Variants in BCKDHB observed in about 807,000 individuals in gnomAD.
BCKDHB encodes branched chain keto acid dehydrogenase E1 subunit beta.
Under a neutral mutation model 48.5 loss-of-function variants are expected in BCKDHB, and 41 were observed. The observed-to-expected ratio is 0.85, with a 90% CI of 0.66 to 1.10. BCKDHB has a LOEUF of 1.10. BCKDHB is among the 50% of genes least tolerant of loss of function. The pLI, the probability that BCKDHB is intolerant of heterozygous loss-of-function variation, is 0.00. For missense variants in BCKDHB, 496 were observed against 494.2 expected, an observed-to-expected ratio of 1.00 and a Z score of -0.03; for synonymous variants, 201 against 174.8, an observed-to-expected ratio of 1.15 and a Z score of -1.18.
chr6:80,366,422 A>G, the BCKDHB span, among the ~76,000 whole-genome samples: 3 of 152,336 alleles, frequency 2.0e-5, no homozygotes, highest in South Asian at 2.1e-4. Flanking sequence ...GCTCATAGAC[A>G]TAGTCAGCAA....
At chr6:80,315,986 A>G (rs1322931030) in intron 9 of BCKDHB, among the ~76,000 whole-genome samples, 2 of 152,206 alleles carry the variant, frequency 1.3e-5, no homozygotes, top group Non-Finnish European at 2.9e-5. Flanking sequence ...GTAAAGAAAA[A>G]TGCTGTATCA....
At chr6:80,228,063 C>T (rs1046612979) in intron 8 of BCKDHB, among the ~76,000 whole-genome samples, 7 of 152,106 alleles carry the variant, frequency 4.6e-5, no homozygotes, top group East Asian at 1.9e-4. Flanking sequence ...GTATGTAAGA[C>T]GTTTCCCCCA....
the BCKDHB span, among the ~76,000 whole-genome samples, chr6:80,421,192 G>A: frequency 6.6e-6 from 1 of 152,062 alleles, no homozygotes; most frequent in African/African-American, 2.4e-5. Flanking sequence ...ATGGTTTAAA[G>A]GTGGCAGTTT....
chr6:80,416,372 G>A, the BCKDHB span, among the ~76,000 whole-genome samples: 3 of 151,296 alleles, frequency 2.0e-5, no homozygotes, highest in Non-Finnish European at 4.4e-5. Context: ...TGTGATGTTA[G>A]CTTGATAACT....
At chr6:80,288,007 T>C (rs1423201994) in intron 9 of BCKDHB, among the ~76,000 whole-genome samples, 3 of 152,184 alleles carry the variant, frequency 2.0e-5, no homozygotes, top group Non-Finnish European at 4.4e-5. Flanking sequence ...TCGAGAATCA[T>C]TGAATGACTT....
chr6:80,425,823 G>A, the BCKDHB span, among the ~76,000 whole-genome samples: 1 of 152,272 alleles, frequency 6.6e-6, no homozygotes, highest in South Asian at 2.1e-4. Context: ...AAAAATAAAT[G>A]AGACAAATGT....
rs1246365018 is a variant in BCKDHB, at chr6:80,345,547, A to T, written c.*1743A>T. 1 of 152,208 alleles carries T rather than the reference A, an allele frequency of 6.6e-6. No individual in the cohort carries two copies. The highest frequency in any genetic ancestry group is 2.4e-5 in the African/African-American group (1 of 41,460). The allele number at this position is 152,208 out of a possible 1,614,324, so 9.4% of individuals were successfully genotyped here. ...TCTGTTCTAGTCTAAGAATATTGTT[A>T]TAGATGGAAGTTAGGACCATTAGCC... On this transcript the variant is annotated 3_prime_UTR_variant, in exon 10 of 10. Coordinates refer to ENST00000320393, the MANE Select transcript of BCKDHB (RefSeq NM_183050.4).
At chr6:80,147,624 C>T (rs1163509960) in intron 3 of BCKDHB, among the ~76,000 whole-genome samples, 2 of 152,068 alleles carry the variant, frequency 1.3e-5, no homozygotes, top group African/African-American at 4.8e-5. Flanking sequence ...TGAGATGATG[C>T]CTGAGTCCAG....
chr6:80,407,350 G>A, the BCKDHB span, among the ~76,000 whole-genome samples: 11 of 152,122 alleles, frequency 7.2e-5, no homozygotes, highest in East Asian at 2.1e-3. Context: ...CTCTTTTTTG[G>A]TTCCATATGA....
intron 1 of BCKDHB, among the ~76,000 whole-genome samples, chr6:80,124,175 T>C (rs1380870783): frequency 6.6e-6 from 1 of 152,224 alleles, no homozygotes; most frequent in Non-Finnish European, 1.5e-5. Flanking sequence ...AGGAGCAGGT[T>C]GTTCAGTTTC....
At chr6:80,285,330 G>A (rs1766574879) in intron 9 of BCKDHB, among the ~76,000 whole-genome samples, 1 of 152,104 alleles carries the variant, frequency 6.6e-6, no homozygotes, top group Non-Finnish European at 1.5e-5. Flanking sequence ...TGATAAAATA[G>A]TCTTCTAATA....
chr6:80,404,535 A>G, the BCKDHB span, among the ~76,000 whole-genome samples: 22 of 150,940 alleles, frequency 1.5e-4, 1 homozygote, highest in African/African-American at 4.1e-4. Context: ...TTCATTGATC[A>G]TTTCTGTTTT....
chr6:80,408,524 C>T, the BCKDHB span, among the ~76,000 whole-genome samples: 1 of 152,012 alleles, frequency 6.6e-6, no homozygotes, highest in Non-Finnish European at 1.5e-5. Flanking sequence ...ATTATTGCCT[C>T]AATTTCAGAA....
chr6:80,114,184 A>AC (rs1367706323), intron 1 of BCKDHB, among the ~76,000 whole-genome samples: 1 of 151,432 alleles, frequency 6.6e-6, no homozygotes, highest in Non-Finnish European at 1.5e-5. Context: ...CTGCCTCCAG[A>AC]CCCTATTCTG....
chr6:80,354,284 A>G, the BCKDHB span, among the ~76,000 whole-genome samples: 5 of 152,052 alleles, frequency 3.3e-5, no homozygotes, highest in East Asian at 1.9e-4. Context: ...CTGGAGTGCA[A>G]TGGGGTGATC....
At chr6:80,413,780 G>T in the BCKDHB span, among the ~76,000 whole-genome samples, 1 of 152,124 alleles carries the variant, frequency 6.6e-6, no homozygotes, top group Non-Finnish European at 1.5e-5. Flanking sequence ...GTTTCTCTAT[G>T]GTAGAACAGT....
chr6:80,363,399 T>A, the BCKDHB span, among the ~76,000 whole-genome samples: 1 of 152,204 alleles, frequency 6.6e-6, no homozygotes. Context: ...GAAACTGTTT[T>A]TTCAAGAGCT....
intron 8 of BCKDHB, among the ~76,000 whole-genome samples, chr6:80,261,900 C>A (rs1204711598): frequency 6.6e-6 from 1 of 152,044 alleles, no homozygotes; most frequent in African/African-American, 2.4e-5. Flanking sequence ...CTTTACTAAT[C>A]TTTGAATAGG....
At chr6:80,151,419 C>CA (rs1771769281) in intron 3 of BCKDHB, among the ~76,000 whole-genome samples, 4 of 142,370 alleles carry the variant, frequency 2.8e-5, no homozygotes, top group Non-Finnish European at 6.1e-5. Flanking sequence ...TTAAAACTAA[C>CA]TTTTTTTTTT....
Sources: allele counts gnomAD v4.1 joint callset (sites outside exome capture counted in the v4.1 genomes callset), GRCh38; gene constraint gnomAD v4.1.1; transcripts MANE v1.5; gene names NCBI Gene and HGNC (gene_info 2026-07-23, HGNC 2026-07-21).